The following DNAH11 variants were observed in gnomAD, a reference collection of about 807,000 sequenced individuals.
DNAH11 encodes the protein dynein axonemal heavy chain 11.
DNAH11 carries 442 observed loss-of-function variants against 526.0 expected under a neutral mutation model. The ratio of observed to expected loss-of-function variants is 0.84; its 90% CI spans 0.78 to 0.91. DNAH11 has a LOEUF of 0.91. Ranked by LOEUF, DNAH11 falls within the 40% of genes least tolerant of loss-of-function variation. The pLI is 0.00. For synonymous variants in DNAH11, 2,461 were observed against 1,935.9 expected (o/e 1.27, Z -7.12); for missense variants, 6,989 against 5,448.7 (o/e 1.28, Z -8.90).
chr7:21,876,637 A>G (rs904431848), intron 74 of DNAH11, among the ~76,000 whole-genome samples: 1 of 152,250 alleles, frequency 6.6e-6, no homozygotes, highest in African/African-American at 2.4e-5. Flanking sequence ...ATTGTCATCA[A>G]TCTGGCTCTT....
At position 21,748,619 on chromosome 7, in the gene DNAH11, T is replaced by C. The variant is rs551909762; in HGVS notation, c.8550T>C (p.Cys2850=). 6 of 1,611,294 alleles carry C rather than the reference T, an allele frequency of 3.7e-6. No homozygotes were observed. In the African/African-American group the frequency reaches 6.7e-5, roughly 18 times the overall value. Reference sequence around the variant, plus strand: ...GGATCTTACGAACCCCTCAGGGCTGTGCTCTCTTGGTTGGAGTTGGGGGCA... The same window carrying C: ...GGATCTTACGAACCCCTCAGGGCTGCGCTCTCTTGGTTGGAGTTGGGGGCA... ...ISRILRTPQG[C]ALLVGVGGSG... The change falls in exon 52 of 82, where the codon TGT becomes TGC. Residue 2850 remains cysteine (C), a synonymous_variant. Coordinates refer to ENST00000409508, the MANE Select transcript of DNAH11 (RefSeq NM_001277115.2).
intron 71 of DNAH11, 23 bp downstream of exon 71, chr7:21,866,686 A>G: frequency 6.3e-7 from 1 of 1,591,528 alleles, no homozygotes; most frequent in South Asian, 1.2e-5. Context: ...GCATTTTTGG[A>G]AACATGTATT....
chr7:21,752,421 G>T (rs921259565), intron 54 of DNAH11, among the ~76,000 whole-genome samples: 1 of 152,178 alleles, frequency 6.6e-6, no homozygotes, highest in African/African-American at 2.4e-5. Context: ...CTAAGGCTGA[G>T]TCATAAAGGG....
At chr7:21,675,727 C>T (rs1025079324) in intron 30 of DNAH11, among the ~76,000 whole-genome samples, 4 of 152,054 alleles carry the variant, frequency 2.6e-5, no homozygotes, top group Admixed American at 2.0e-4. Context: ...TTATGCTGGC[C>T]GCTATGCTAA....
chr7:21,586,136 T>C (rs186669112), intron 9 of DNAH11, among the ~76,000 whole-genome samples: 287 of 152,320 alleles, frequency 1.9e-3, no homozygotes, highest in African/African-American at 6.4e-3. Flanking sequence ...GTATTTTCTC[T>C]ATGTATTTTC....
At chr7:21,868,596 C>G (rs1370456257) in intron 72 of DNAH11, among the ~76,000 whole-genome samples, 2 of 152,218 alleles carry the variant, frequency 1.3e-5, no homozygotes, top group African/African-American at 4.8e-5. Flanking sequence ...CATAACAATG[C>G]CTGCCATCTA....
chr7:21,871,605 TTGTTTC>T (rs1186474099), intron 73 of DNAH11, among the ~76,000 whole-genome samples: 1 of 152,214 alleles, frequency 6.6e-6, no homozygotes, highest in African/African-American at 2.4e-5. Flanking sequence ...GGTTTTATTA[TTGTTTC>T]TGTTGTTTTC....
At chr7:21,660,682 TTTGTC>T (rs1265740786) in intron 30 of DNAH11, among the ~76,000 whole-genome samples, 3 of 13,672 alleles carry the variant, frequency 2.2e-4, no homozygotes, top group Non-Finnish European at 4.4e-4. Flanking sequence ...TTTACTATCT[TTTGTC>T]TGTCTTTATG....
chr7:21,564,527 T>G, intron 6 of DNAH11, 130 bp downstream of exon 6: 1 of 653,444 alleles, frequency 1.5e-6, no homozygotes, highest in South Asian at 3.1e-5. Flanking sequence ...AAAGGACATT[T>G]TTGGTAACAA....
chr7:21,841,015 C>T (rs1420965194), intron 65 of DNAH11, among the ~76,000 whole-genome samples: 2 of 152,090 alleles, frequency 1.3e-5, no homozygotes, highest in African/African-American at 4.8e-5. Flanking sequence ...AACCCCATCT[C>T]TACTAAAAAT....
chr7:21,873,954 C>G (rs1446561166), intron 74 of DNAH11, among the ~76,000 whole-genome samples: 1 of 151,836 alleles, frequency 6.6e-6, no homozygotes, highest in East Asian at 1.9e-4. Context: ...CCACGCCCGG[C>G]TAATTTTTGT....
chr7:21,663,868 A>G (rs374523694), intron 30 of DNAH11, among the ~76,000 whole-genome samples: 2 of 151,666 alleles, frequency 1.3e-5, no homozygotes, highest in Non-Finnish European at 2.9e-5. Context: ...GTGATTCTTC[A>G]TAATGCTGAA....
chr7:21,798,525 T>C (rs79136399), intron 61 of DNAH11, among the ~76,000 whole-genome samples: 4,580 of 152,350 alleles, frequency 0.03, 243 homozygotes, highest in African/African-American at 0.1. Context: ...ACATCTATTT[T>C]GTGAAATGCC....
chr7:21,901,329 T>TTCTGGACCTTCAGGCTGAAGA lies in DNAH11; in HGVS notation c.*75_*76insTCTGGACCTTCAGGCTGAAGA. 1.4e-6 allele frequency: 2 copies of TTCTGGACCTTCAGGCTGAAGA among 1,432,742 alleles called. No individual in the cohort carries two copies. Among genetic ancestry groups the TTCTGGACCTTCAGGCTGAAGA allele is most frequent in the Admixed American group, 2.4e-5 (1 of 42,306 alleles). The allele number at this position is 1,432,742 out of a possible 1,614,324, so 88.8% of individuals were successfully genotyped here. On this transcript the variant is annotated 3_prime_UTR_variant, in exon 82 of 82. Coordinates refer to ENST00000409508, the MANE Select transcript of DNAH11 (RefSeq NM_001277115.2). ...CTAGCATGTTGCTGCACTGTTCCCA[T>TTCTGGACCTTCAGGCTGAAGA]GCACATTATTCTAACTTTTTAGTAA...
intron 35 of DNAH11, among the ~76,000 whole-genome samples, chr7:21,691,352 G>C (rs1783616686): frequency 3.3e-5 from 5 of 151,564 alleles, no homozygotes; most frequent in Admixed American, 3.3e-4. Context: ...GCTAGGGCTG[G>C]GGTGGGGGGA....
At chr7:21,576,856 G>T (rs1305051832) in intron 8 of DNAH11, among the ~76,000 whole-genome samples, 1 of 152,168 alleles carries the variant, frequency 6.6e-6, no homozygotes, top group East Asian at 1.9e-4. Flanking sequence ...AACTTACTTT[G>T]GGGTAGTGGT....
chr7:21,800,910 G>A (rs915101334), intron 61 of DNAH11, among the ~76,000 whole-genome samples: 5 of 151,980 alleles, frequency 3.3e-5, no homozygotes, highest in South Asian at 2.1e-4. Flanking sequence ...GAGGCAGAAG[G>A]GGAGAGAAGA....
rs569788706 is a variant in DNAH11, at chr7:21,656,109, G to T, written c.5094+128G>T. 4.2e-5 allele frequency: 46 copies of T among 1,083,628 alleles called. No individual in the cohort carries two copies. In the African/African-American group the frequency reaches 5.3e-4, roughly 13 times the overall value. The allele number at this position is 1,083,628 out of a possible 1,614,324, so 67.1% of individuals were successfully genotyped here. On this transcript the variant is annotated intron_variant, in intron 29 of 81. Coordinates refer to ENST00000409508, the MANE Select transcript of DNAH11 (RefSeq NM_001277115.2). ...GCTCTGCTTAGTTTTGTGCTCGGAG[G>T]TTCCTTTTTATCTGTATCCACTGTG...
intron 20 of DNAH11, among the ~76,000 whole-genome samples, chr7:21,612,199 C>T (rs998683732): frequency 6.6e-6 from 1 of 151,770 alleles, no homozygotes; most frequent in Non-Finnish European, 1.5e-5. Context: ...TCAAACTTAG[C>T]CAGTCAGAAA....
Sources: allele counts gnomAD v4.1 joint callset (sites outside exome capture counted in the v4.1 genomes callset), GRCh38; gene constraint gnomAD v4.1.1; transcripts MANE v1.5; gene names NCBI Gene and HGNC (gene_info 2026-07-23, HGNC 2026-07-21).